MGRN1: variants seen among roughly 807,000 people sequenced by gnomAD.
The protein encoded by MGRN1 is mahogunin ring finger 1.
A neutral mutation model predicts 69.2 loss-of-function variants in MGRN1; 29 were observed. The observed-to-expected ratio is 0.42, with a 90% CI of 0.31 to 0.57. The LOEUF is 0.57. Ranked by LOEUF, MGRN1 falls within the 20% of genes least tolerant of loss-of-function variation. The pLI, the probability that MGRN1 is intolerant of heterozygous loss-of-function variation, is 0.15. For synonymous variants in MGRN1, 470 were observed against 344.2 expected (o/e 1.37, Z -4.04); for missense variants, 998 against 796.2 (o/e 1.25, Z -3.05).
intron 8 of MGRN1, 88 bp from the exon 9 acceptor site, chr16:4,671,303 G>A (rs1444756220): frequency 7.6e-7 from 1 of 1,310,618 alleles, no homozygotes; most frequent in South Asian, 1.2e-5. Context: ...AGCCTGGTAA[G>A]TTGGAGGCAG....
rs182723334 is a variant in MGRN1 at position 4,651,346 on chromosome 16, C to A, written c.208-617C>A. ...TGAAAGCAGACCCTGCCTCTGCTAC[C>A]TGGTGGGGGCGTAGACAATTAATAC... On this transcript the variant is annotated intron_variant, in intron 2 of 16. Coordinates refer to ENST00000262370, the MANE Select transcript of MGRN1 (RefSeq NM_015246.4). Among the ~76,000 whole-genome samples the A allele has an allele frequency of 5.6e-4, 85 of 152,264 alleles. No homozygotes were observed. In the Middle Eastern group the frequency reaches 0.02, roughly 37 times the overall value.
chr16:4,641,699 G>A (rs766276905), intron 1 of MGRN1, among the ~76,000 whole-genome samples: 1 of 151,854 alleles, frequency 6.6e-6, no homozygotes, highest in Non-Finnish European at 1.5e-5. Context: ...TGCATTTTTA[G>A]TAGAGACGGG....
intron 16 of MGRN1, chr16:4,687,138 C>A (rs1480121752): frequency 3.0e-6 from 3 of 985,368 alleles, no homozygotes; most frequent in Non-Finnish European, 3.6e-6. Flanking sequence ...ACCTGTCCCT[C>A]CCAGTACTGG....
rs1006042775 is a variant in MGRN1 at position 4,690,493 on chromosome 16, T to G, written c.*1585T>G. ...GGACAGCATGGTCCTCACACCCAGC[T>G]CCCTGCACACCCAGGCCAGCCACCC... On this transcript the variant is annotated 3_prime_UTR_variant, in exon 17 of 17. Transcript: ENST00000262370. The G allele has an allele frequency of 6.6e-6, 1 of 152,250 alleles. No homozygotes were observed. Among genetic ancestry groups the G allele is most frequent in the Non-Finnish European group, 1.5e-5 (1 of 68,216 alleles). 9.4% of individuals were successfully genotyped at this position (152,250 alleles called of 1,614,324 possible).
At chr16:4,653,511 C>T (rs1308889075) in intron 4 of MGRN1, among the ~76,000 whole-genome samples, 7 of 152,150 alleles carry the variant, frequency 4.6e-5, no homozygotes, top group Non-Finnish European at 8.8e-5. Flanking sequence ...TGTTTTGAGA[C>T]GAAGCCTCAC....
Position 4,667,937 on chromosome 16 carries a change from A to G in MGRN1, c.679-328A>G, listed in dbSNP as rs567077957. Among the ~76,000 whole-genome samples, 99 of 152,144 alleles carry G rather than the reference A, an allele frequency of 6.5e-4. 1 individual carries two copies. Among genetic ancestry groups the G allele is most frequent in the South Asian group, 1.5e-3 (7 of 4,814 alleles). On this transcript the variant is annotated intron_variant, in intron 7 of 16. Coordinates refer to ENST00000262370, the MANE Select transcript of MGRN1 (RefSeq NM_015246.4). ...CTCGGTGTGCAGGAGGCCCTTGTCC[A>G]TCATCTGAACTTGGCTGATTGGCAT...
chr16:4,687,965 T>C (rs2079371309), intron 16 of MGRN1: 6 of 985,582 alleles, frequency 6.1e-6, no homozygotes, highest in Non-Finnish European at 7.2e-6. Flanking sequence ...GGCCTGCGCA[T>C]CGGTGGAAGG....
At chr16:4,657,998 T>C (rs1241179178) in intron 5 of MGRN1, among the ~76,000 whole-genome samples, 1 of 151,072 alleles carries the variant, frequency 6.6e-6, no homozygotes, top group Non-Finnish European at 1.5e-5. Context: ...GGCCTCGGCC[T>C]CCCAAAGTGC....
rs1003494027 is a variant in MGRN1, at chr16:4,624,901, C to T, written c.-60C>T. 8 of 1,433,426 alleles carry T rather than the reference C, an allele frequency of 5.6e-6. No homozygotes were observed. The highest frequency in any genetic ancestry group is 5.2e-5 in the South Asian group (4 of 76,608). 88.8% of individuals were successfully genotyped at this position (1,433,426 alleles called of 1,614,324 possible). A position where few individuals can be genotyped will look rare whatever the true frequency, so the allele number is the denominator to read the frequency against. ...TCCGGGCCATGTCCGCGTGAGGACC[C>T]CGCCGCTGTCGCCGCTCCCGTTCCG... On this transcript the variant is annotated 5_prime_UTR_variant, in exon 1 of 17. Coordinates refer to ENST00000262370, the MANE Select transcript of MGRN1 (RefSeq NM_015246.4).
intron 1 of MGRN1, among the ~76,000 whole-genome samples, chr16:4,632,037 G>T (rs1898033824): frequency 4.7e-5 from 4 of 85,862 alleles, no homozygotes; most frequent in East Asian, 3.2e-4. Flanking sequence ...TTTTTGAGAT[G>T]GAGTCTTGCT....
At chr16:4,684,031 G>A (rs1424749170) in intron 16 of MGRN1, 99 bp downstream of exon 16, 5 of 1,040,054 alleles carry the variant, frequency 4.8e-6, no homozygotes, top group Non-Finnish European at 7.0e-6. Context: ...AGCAGAGGCT[G>A]TCCATTGGAG....
Position 4,682,810 on chromosome 16 carries a change from C to T in MGRN1, c.1359-13C>T. On this transcript the variant is annotated splice_polypyrimidine_tract_variant and intron_variant, in intron 13 of 16. Coordinates refer to ENST00000262370, the MANE Select transcript of MGRN1 (RefSeq NM_015246.4). ...ATCCTCTCACCCCTGCCCACCCTCT[C>T]CTCTGTCCCCAGCACCCTACGGTCC... 1 of 1,550,566 alleles carries T rather than the reference C, an allele frequency of 6.4e-7. No homozygotes were observed. Among genetic ancestry groups the T allele is most frequent in the Non-Finnish European group, 8.8e-7 (1 of 1,142,388 alleles).
chr16:4,688,441 T>G (rs946598733), intron 16 of MGRN1: 3 of 1,073,836 alleles, frequency 2.8e-6, no homozygotes, highest in Non-Finnish European at 3.4e-6. Context: ...GTAAGAACCT[T>G]GGCAGGACAG....
chr16:4,680,232 C>T (rs746243474), intron 12 of MGRN1, 135 bp downstream of exon 12: 12 of 850,898 alleles, frequency 1.4e-5, no homozygotes, highest in Non-Finnish European at 1.8e-5. Flanking sequence ...TGCCCAGTCC[C>T]GGCCTCCCTG....
chr16:4,650,195 C>G (rs529983794), intron 1 of MGRN1, 170 bp from the exon 2 acceptor site: 2 of 532,140 alleles, frequency 3.8e-6, no homozygotes, highest in South Asian at 4.4e-5. Context: ...CCCAGCTACT[C>G]GGGAGGCTGA....
rs558724487 is a variant in MGRN1 at position 4,683,766 on chromosome 16, G to C, written c.1529-77G>C. 30 of 1,311,058 alleles carry C rather than the reference G, an allele frequency of 2.3e-5. No individual in the cohort carries two copies. In the African/African-American group the frequency reaches 4.1e-4, roughly 18 times the overall value. The allele number at this position is 1,311,058 out of a possible 1,614,324, so 81.2% of individuals were successfully genotyped here. A position where few individuals can be genotyped will look rare whatever the true frequency, so the allele number is the denominator to read the frequency against. ...GGCTACAGAGCCCTTGGGTAAGAGA[G>C]ACGGCCTCCTGCCCAGAGGGACCTG... is the stretch of plus-strand genomic sequence containing the variant. On this transcript the variant is annotated intron_variant, in intron 15 of 16. Transcript: ENST00000262370.
chr16:4,627,027 C>A (rs1897713072), intron 1 of MGRN1, among the ~76,000 whole-genome samples: 1 of 152,148 alleles, frequency 6.6e-6, no homozygotes, highest in Non-Finnish European at 1.5e-5. Flanking sequence ...TGCCTTTGTG[C>A]CGCACTGGTT....
chr16:4,682,796 C>G (rs200466410), intron 13 of MGRN1, 27 bp from the exon 14 acceptor site: 12 of 1,516,438 alleles, frequency 7.9e-6, no homozygotes, highest in Non-Finnish European at 8.9e-6. Flanking sequence ...TCCTCTCACC[C>G]CTGCCCACCC....
At chr16:4,679,794 G>A (rs1352006413) in intron 11 of MGRN1, among the ~76,000 whole-genome samples, 5 of 152,126 alleles carry the variant, frequency 3.3e-5, no homozygotes, top group Non-Finnish European at 5.9e-5. Flanking sequence ...GATGAGATTG[G>A]GCTCCACAGC....
Sources: gnomAD v4.1 joint callset for allele counts (sites outside exome capture counted in the v4.1 genomes callset) on GRCh38, gnomAD v4.1.1 for gene constraint, MANE v1.5 for transcripts, NCBI Gene and HGNC (gene_info 2026-07-23, HGNC 2026-07-21) for gene names.